PIGN: variants seen among roughly 807,000 people sequenced by gnomAD.
PIGN encodes GPI ethanolamine phosphate transferase 1.
In PIGN, 117 loss-of-function variants were observed where a neutral mutation model predicts 125.4. The observed-to-expected ratio is 0.93, with a 90% confidence interval of 0.80 to 1.09. The LOEUF (loss-of-function observed/expected upper bound fraction) is 1.09, where lower values mean the gene tolerates loss of function less well. PIGN is among the 50% of genes least tolerant of loss of function. PIGN has a pLI of 0.00. For missense variants in PIGN, 1,075 were observed against 1,094.9 expected (o/e 0.98, Z 0.26); for synonymous variants, 392 against 377.8 (o/e 1.04, Z -0.44).
At chr18:62,019,684 A>G (rs550065902) in intron 23 of PIGN, among the ~76,000 whole-genome samples, 48 of 142,490 alleles carry the variant, frequency 3.4e-4, no homozygotes, top group Middle Eastern at 4.0e-3. Context: ...AAGCCTTCCA[A>G]TGAAATTTCC....
chr18:62,098,135 G>A (rs767037338), intron 22 of PIGN, among the ~76,000 whole-genome samples: 2 of 152,226 alleles, frequency 1.3e-5, no homozygotes, highest in Admixed American at 6.5e-5. Flanking sequence ...CCTGAGCATA[G>A]TGCCTAGCAC....
At position 62,141,454 on chromosome 18, in the gene PIGN, T is replaced by C. The variant is rs976430160; in HGVS notation, c.964-975A>G. ...ACACCACACAGCTGAGTTTCTTCTA[T>C]CTCACTGGCTCCTCCTTTTCAGATA... On this transcript the variant is annotated intron_variant, in intron 11 of 30. Transcript: ENST00000640252. Among the ~76,000 whole-genome samples the C allele has an allele frequency of 2.6e-5, 4 of 152,248 alleles. No homozygotes were observed. The East Asian group carries it at 7.7e-4, about 29-fold the overall frequency.
At chr18:62,169,501 G>A (rs1209389123) in intron 1 of PIGN, among the ~76,000 whole-genome samples, 1 of 152,066 alleles carries the variant, frequency 6.6e-6, no homozygotes, top group East Asian at 1.9e-4. Flanking sequence ...CTGGGCTCAA[G>A]CAATCCTCCT....
intron 14 of PIGN, among the ~76,000 whole-genome samples, chr18:62,129,408 C>T (rs1231722314): frequency 2.6e-5 from 4 of 152,200 alleles, no homozygotes; most frequent in Admixed American, 6.5e-5. Context: ...CTCAGAAGTG[C>T]GTTGAGCTGA....
At chr18:62,168,690 A>G (rs1449002619) in intron 1 of PIGN, among the ~76,000 whole-genome samples, 2 of 152,142 alleles carry the variant, frequency 1.3e-5, no homozygotes, top group Non-Finnish European at 2.9e-5. Context: ...GTGATCCAAT[A>G]ATGTTCTTTA....
chr18:62,086,668 G>A (rs1238277765), intron 25 of PIGN, among the ~76,000 whole-genome samples: 1 of 150,416 alleles, frequency 6.6e-6, no homozygotes, highest in African/African-American at 2.4e-5. Flanking sequence ...ATACAGTGAA[G>A]AGTAGCAAAT....
At chr18:62,169,047 G>A (rs929592659) in intron 1 of PIGN, among the ~76,000 whole-genome samples, 1 of 151,992 alleles carries the variant, frequency 6.6e-6, no homozygotes, top group East Asian at 1.9e-4. Flanking sequence ...TAGAGAGAGG[G>A]TTTTGCCATG....
chr18:62,134,735 C>T (rs1475498199), intron 14 of PIGN, among the ~76,000 whole-genome samples: 1 of 152,206 alleles, frequency 6.6e-6, no homozygotes, highest in Non-Finnish European at 1.5e-5. Flanking sequence ...TTCTTTAAAG[C>T]CTTGATCCAC....
At chr18:62,048,860 A>ACCC (rs2030985020) in intron 30 of PIGN, among the ~76,000 whole-genome samples, 1 of 79,614 alleles carries the variant, frequency 1.3e-5, no homozygotes, top group Non-Finnish European at 2.3e-5. Context: ...CCCTCCCCCT[A>ACCC]CCCCACAACA....
At chr18:62,130,879 G>C (rs1362830991) in intron 14 of PIGN, among the ~76,000 whole-genome samples, 1 of 152,086 alleles carries the variant, frequency 6.6e-6, no homozygotes, top group African/African-American at 2.4e-5. Flanking sequence ...AGGATAAAAA[G>C]TTATTTCTAG....
intron 14 of PIGN, among the ~76,000 whole-genome samples, chr18:62,125,780 G>A (rs535345182): frequency 4.6e-5 from 7 of 151,822 alleles, no homozygotes; most frequent in South Asian, 2.1e-4. Flanking sequence ...ATTCTATTAC[G>A]AAAAAACTTT....
intron 23 of PIGN, among the ~76,000 whole-genome samples, chr18:62,022,891 T>C (rs1200132524): frequency 2.6e-5 from 4 of 152,208 alleles, no homozygotes; most frequent in Non-Finnish European, 5.9e-5. Context: ...TAAAATGACA[T>C]AGTCTTTGCA....
rs190726171 is a variant in PIGN at position 62,067,204 on chromosome 18, T to C, written c.2672+5469A>G. ...CCCCTAATATGACTTATTACCTTTA[T>C]GTTGTTGTTTATGCATGCACCCATT... On this transcript the variant is annotated intron_variant, in intron 30 of 30. Transcript: ENST00000640252. 2.0e-5 allele frequency among the ~76,000 whole-genome samples: 3 copies of C among 152,340 alleles called. No homozygotes were observed. The East Asian group carries it at 5.8e-4, about 29-fold the overall frequency.
rs551101563 is a variant in PIGN, at chr18:62,170,655, A to G, written c.-235-6999T>C. On this transcript the variant is annotated intron_variant, in intron 1 of 30. Coordinates refer to ENST00000640252, the MANE Select transcript of PIGN (RefSeq NM_176787.5). ...CCTACAATGGCATCCTAAGTGTTCA[A>G]GTGAAAGAAAGACTCATGTGTCTCT... is the stretch of plus-strand genomic sequence containing the variant. Among the ~76,000 whole-genome samples the G allele has an allele frequency of 3.0e-4, 45 of 152,316 alleles. 1 individual carries two copies. Among genetic ancestry groups the G allele is most frequent in the African/African-American group, 8.9e-4 (37 of 41,588 alleles).
downstream of PIGN, among the ~76,000 whole-genome samples, chr18:62,038,951 A>C (rs1348273466): frequency 1.8e-5 from 2 of 113,788 alleles, no homozygotes; most frequent in African/African-American, 6.2e-5. Flanking sequence ...AATAATAATA[A>C]TAATAATAAT....
chr18:62,145,437 G>T (rs2147260603), intron 10 of PIGN, among the ~76,000 whole-genome samples: 1 of 152,222 alleles, frequency 6.6e-6, no homozygotes, highest in East Asian at 1.9e-4. Context: ...CTTCATTAGG[G>T]CCTGGGGTTG....
At chr18:62,128,730 T>C in intron 14 of PIGN, among the ~76,000 whole-genome samples, 1 of 152,176 alleles carries the variant, frequency 6.6e-6, no homozygotes, top group East Asian at 1.9e-4. Context: ...GTTTAAAATA[T>C]TCATTAAATT....
At chr18:62,103,346 T>C (rs1310476726) in intron 20 of PIGN, among the ~76,000 whole-genome samples, 1 of 149,920 alleles carries the variant, frequency 6.7e-6, no homozygotes, top group Admixed American at 6.6e-5. Flanking sequence ...AGTATCTACA[T>C]ATATAACCCA....
chr18:62,158,598 G>T (rs1227378552), intron 4 of PIGN, among the ~76,000 whole-genome samples: 1 of 152,180 alleles, frequency 6.6e-6, no homozygotes, highest in African/African-American at 2.4e-5. Context: ...TATTATAGGT[G>T]AAAGGCCAGC....
Sources: gnomAD v4.1 joint callset for allele counts (sites outside exome capture counted in the v4.1 genomes callset) on GRCh38, gnomAD v4.1.1 for gene constraint, MANE v1.5 for transcripts, NCBI Gene and HGNC (gene_info 2026-07-23, HGNC 2026-07-21) for gene names.